Variants in THSD7B observed in about 807,000 individuals in gnomAD.
The protein encoded by THSD7B is thrombospondin type-1 domain-containing protein 7B.
Under a neutral mutation model 213.6 loss-of-function variants are expected in THSD7B, and 138 were observed. That is an observed-to-expected ratio of 0.65 (90% CI 0.56 to 0.74). The LOEUF (loss-of-function observed/expected upper bound fraction) is 0.74. Ranked by LOEUF, THSD7B falls within the 30% of genes least tolerant of loss-of-function variation. THSD7B has a pLI of 0.00. For synonymous variants in THSD7B, 742 were observed against 687.0 expected, an observed-to-expected ratio of 1.08 and a Z score of -1.25; for missense variants, 1,931 against 1,991.5, an observed-to-expected ratio of 0.97 and a Z score of 0.58.
chr2:136,793,320 C>T (rs1682000296), intron 1 of THSD7B, among the ~76,000 whole-genome samples: 1 of 151,892 alleles, frequency 6.6e-6, no homozygotes, highest in Admixed American at 6.6e-5. Context: ...ATTTGCATTG[C>T]CTACATGACT....
chr2:137,275,244 G>A (rs761225659), intron 11 of THSD7B, among the ~76,000 whole-genome samples: 4 of 152,028 alleles, frequency 2.6e-5, no homozygotes, highest in African/African-American at 4.8e-5. Context: ...TTTATCAACA[G>A]CAGGTCCATT....
In THSD7B at chr2:137,231,236, G is replaced by T; in HGVS notation, c.1915+1G>T. 1 of 1,600,878 alleles carries T rather than the reference G, an allele frequency of 6.2e-7. No individual in the cohort carries two copies. On this transcript the variant is annotated splice_donor_variant, in intron 8 of 27. Coordinates refer to ENST00000409968, the MANE Select transcript of THSD7B (RefSeq NM_001316349.2). LOFTEE classifies it high-confidence loss of function. ...ACTATCCTGGCACTGGCTGGGGAAG[G>T]TGAGTAACAGAAAAGGTTTTCACTT...
Position 137,652,277 on chromosome 2 carries a change from C to T in THSD7B, c.3946-3224C>T, listed in dbSNP as rs13410620. On this transcript the variant is annotated intron_variant, in intron 21 of 27. Transcript: ENST00000409968. ...TCAACAATTACAGTTGCTATATCCT[C>T]TTGCTGAATTGACACCTTTAATAGT... Among the ~76,000 whole-genome samples the T allele has an allele frequency of 3.2e-3, 487 of 152,146 alleles. 7 individuals are homozygous for T. Among genetic ancestry groups the T allele is most frequent in the African/African-American group, 0.011 (473 of 41,542 alleles).
intron 2 of THSD7B, among the ~76,000 whole-genome samples, chr2:136,926,703 A>G (rs1054244141): frequency 9.9e-4 from 29 of 29,248 alleles, no homozygotes; most frequent in Middle Eastern, 0.014. Flanking sequence ...GAAAAAGAAA[A>G]AGAAAAAAAA....
chr2:137,591,679 G>A (rs1681868936), intron 17 of THSD7B, among the ~76,000 whole-genome samples: 1 of 151,886 alleles, frequency 6.6e-6, no homozygotes. Flanking sequence ...AACGACAGCA[G>A]TCTATTAGAG....
At chr2:137,441,557 G>T (rs973517429) in intron 14 of THSD7B, among the ~76,000 whole-genome samples, 2 of 151,962 alleles carry the variant, frequency 1.3e-5, no homozygotes, top group African/African-American at 4.8e-5. Context: ...TGTGCTTTAG[G>T]GATATTAATA....
chr2:137,652,581 A>G (rs1302881622), intron 21 of THSD7B, among the ~76,000 whole-genome samples: 1 of 152,054 alleles, frequency 6.6e-6, no homozygotes, highest in East Asian at 1.9e-4. Flanking sequence ...GGAACTTGCT[A>G]CTGCCATTTT....
chr2:137,456,182 G>T (rs1321270867), intron 15 of THSD7B, among the ~76,000 whole-genome samples: 1 of 152,130 alleles, frequency 6.6e-6, no homozygotes, highest in Non-Finnish European at 1.5e-5. Flanking sequence ...CCAAAGAGAG[G>T]TATTCTAAAT....
intron 2 of THSD7B, among the ~76,000 whole-genome samples, chr2:136,927,416 G>A (rs1573715312): frequency 6.6e-6 from 1 of 152,072 alleles, no homozygotes; most frequent in African/African-American, 2.4e-5. Context: ...TTGACTTCTG[G>A]AATACTAACA....
At chr2:137,117,788 A>G (rs1688470482) in intron 5 of THSD7B, among the ~76,000 whole-genome samples, 1 of 152,130 alleles carries the variant, frequency 6.6e-6, no homozygotes, top group South Asian at 2.1e-4. Context: ...AATGCATATA[A>G]TTTCTAGATG....
intron 16 of THSD7B, among the ~76,000 whole-genome samples, chr2:137,567,867 T>C (rs1264815708): frequency 1.3e-5 from 2 of 152,128 alleles, no homozygotes; most frequent in African/African-American, 4.8e-5. Flanking sequence ...AGAATATAAA[T>C]TTGGGCACCA....
chr2:136,868,335 AATTCT>A (rs1331464018), intron 1 of THSD7B, among the ~76,000 whole-genome samples: 1 of 151,952 alleles, frequency 6.6e-6, no homozygotes, highest in African/African-American at 2.4e-5. Flanking sequence ...GATAAAAGTA[AATTCT>A]ATCAAATCTC....
intron 12 of THSD7B, among the ~76,000 whole-genome samples, chr2:137,323,390 G>A (rs535516327): frequency 2.0e-5 from 3 of 152,274 alleles, no homozygotes; most frequent in Admixed American, 6.5e-5. Context: ...ATCTCCTCTT[G>A]TATTCCTATG....
At chr2:137,023,901 C>T (rs777979908) in intron 2 of THSD7B, among the ~76,000 whole-genome samples, 1 of 150,910 alleles carries the variant, frequency 6.6e-6, no homozygotes, top group Non-Finnish European at 1.5e-5. Flanking sequence ...ATGAACAAGA[C>T]ATTTCTCTTC....
intron 1 of THSD7B, among the ~76,000 whole-genome samples, chr2:136,791,797 A>T (rs532160068): frequency 6.6e-6 from 1 of 152,154 alleles, no homozygotes; most frequent in East Asian, 1.9e-4. Flanking sequence ...GTTGGTGAAC[A>T]TTTATATGTT....
At chr2:137,424,043 C>T (rs1395675042) in intron 14 of THSD7B, among the ~76,000 whole-genome samples, 2 of 152,072 alleles carry the variant, frequency 1.3e-5, no homozygotes, top group Non-Finnish European at 2.9e-5. Context: ...AACAAGGGTA[C>T]TATGACTGTT....
chr2:137,411,587 T>TCAA, intron 13 of THSD7B, 22 bp from the exon 14 acceptor site: 2 of 1,590,382 alleles, frequency 1.3e-6, no homozygotes, highest in South Asian at 2.3e-5. Context: ...ATTTAATATC[T>TCAA]TAATGTCTCT....
chr2:137,439,342 C>A (rs1322359533), intron 14 of THSD7B, among the ~76,000 whole-genome samples: 1 of 151,988 alleles, frequency 6.6e-6, no homozygotes, highest in Non-Finnish European at 1.5e-5. Context: ...TAGGATTACC[C>A]ACAGTCTCTT....
At chr2:136,980,983 C>T (rs1411336285) in intron 2 of THSD7B, among the ~76,000 whole-genome samples, 1 of 151,962 alleles carries the variant, frequency 6.6e-6, no homozygotes, top group Non-Finnish European at 1.5e-5. Context: ...TGGATACCCT[C>T]AGCTGAAGAT....
Sources: gnomAD v4.1 joint callset for allele counts (sites outside exome capture counted in the v4.1 genomes callset) on GRCh38, gnomAD v4.1.1 for gene constraint, MANE v1.5 for transcripts, NCBI Gene and HGNC (gene_info 2026-07-23, HGNC 2026-07-21) for gene names.